The following RABGAP1L variants were observed in gnomAD, a reference collection of about 807,000 sequenced individuals.
RABGAP1L encodes rab GTPase-activating protein 1-like.
RABGAP1L carries 63 observed loss-of-function variants against 137.7 expected under a neutral mutation model. The observed-to-expected ratio is 0.46, with a 90% CI of 0.37 to 0.56. The LOEUF (loss-of-function observed/expected upper bound fraction) is 0.56. Among genes scored for constraint, RABGAP1L ranks in the 20% least tolerant of loss-of-function variants. RABGAP1L has a pLI of 0.00. For synonymous variants in RABGAP1L, 431 were observed against 433.7 expected, an observed-to-expected ratio of 0.99 and a Z score of 0.08; for missense variants, 1,095 against 1,244.0, an observed-to-expected ratio of 0.88 and a Z score of 1.80.
At chr1:174,207,276 C>T (rs768455057) in intron 1 of RABGAP1L, among the ~76,000 whole-genome samples, 1 of 152,060 alleles carries the variant, frequency 6.6e-6, no homozygotes, top group Non-Finnish European at 1.5e-5. Flanking sequence ...GTACATGCTG[C>T]GTTGAAATGG....
Position 174,159,664 on chromosome 1 carries a change from C to G in RABGAP1L, c.-34+7C>G, listed in dbSNP as rs919630169. On this transcript the variant is annotated splice_region_variant and intron_variant, in intron 1 of 25. Coordinates refer to ENST00000681986, the MANE Select transcript of RABGAP1L (RefSeq NM_001366446.1). ...CCCGCGGAGACGTGAAGAGGTGAGGCGAGGACGGCCTCCTAGGGACACGAG... is the reference window on the plus strand; with the variant it reads ...CCCGCGGAGACGTGAAGAGGTGAGGGGAGGACGGCCTCCTAGGGACACGAG... 4.6e-5 allele frequency: 7 copies of G among 152,330 alleles called. No homozygotes were observed. Among genetic ancestry groups the G allele is most frequent in the African/African-American group, 1.7e-4 (7 of 41,452 alleles). 9.4% of individuals were successfully genotyped at this position (152,330 alleles called of 1,614,324 possible).
At chr1:174,359,130 A>G (rs981089124) in intron 11 of RABGAP1L, among the ~76,000 whole-genome samples, 2 of 148,438 alleles carry the variant, frequency 1.3e-5, no homozygotes, top group African/African-American at 2.5e-5. Context: ...AAAACCTTCA[A>G]TTACCCCTTT....
chr1:174,170,072 T>C (rs1346074422), intron 1 of RABGAP1L, among the ~76,000 whole-genome samples: 1 of 152,178 alleles, frequency 6.6e-6, no homozygotes, highest in Non-Finnish European at 1.5e-5. Flanking sequence ...TGGAAAAAAA[T>C]ACTTAAAATG....
chr1:174,306,035 A>C (rs975525904), intron 11 of RABGAP1L, among the ~76,000 whole-genome samples: 3 of 152,042 alleles, frequency 2.0e-5, no homozygotes, highest in Admixed American at 6.6e-5. Flanking sequence ...TGCCCTTGCA[A>C]TAGTTTGCTG....
intron 17 of RABGAP1L, among the ~76,000 whole-genome samples, chr1:174,736,255 A>G (rs1682935630): frequency 6.6e-6 from 1 of 152,238 alleles, no homozygotes; most frequent in Admixed American, 6.5e-5. Flanking sequence ...TTCCAAAAGG[A>G]AGAAATTGGC....
chr1:174,752,160 A>G (rs954237255), intron 17 of RABGAP1L, among the ~76,000 whole-genome samples, 153 bp from the exon 18 acceptor site: 1 of 152,182 alleles, frequency 6.6e-6, no homozygotes, highest in Non-Finnish European at 1.5e-5. Flanking sequence ...CAGGGAAAGA[A>G]AATACCTTTA....
intron 17 of RABGAP1L, among the ~76,000 whole-genome samples, chr1:174,703,447 A>G (rs1340391807): frequency 6.6e-6 from 1 of 152,182 alleles, no homozygotes; most frequent in South Asian, 2.1e-4. Flanking sequence ...ATAATGCTAC[A>G]TTGTATGTAC....
At chr1:174,664,222 G>A (rs1381405090) in intron 14 of RABGAP1L, among the ~76,000 whole-genome samples, 2 of 152,090 alleles carry the variant, frequency 1.3e-5, no homozygotes, top group African/African-American at 4.8e-5. Flanking sequence ...CAGTGTTGGG[G>A]CACCTTTATA....
chr1:174,395,215 G>A (rs186239412), intron 13 of RABGAP1L, among the ~76,000 whole-genome samples: 1 of 152,142 alleles, frequency 6.6e-6, no homozygotes, highest in African/African-American at 2.4e-5. Context: ...CACTTTGGAG[G>A]AATAATTGTG....
intron 13 of RABGAP1L, among the ~76,000 whole-genome samples, chr1:174,517,405 TAG>T (rs1214669277): frequency 2.0e-5 from 3 of 152,156 alleles, no homozygotes; most frequent in Non-Finnish European, 4.4e-5. Flanking sequence ...TTAAGAGAGC[TAG>T]AGATTCTCTC....
chr1:174,472,414 G>A (rs979459201), intron 13 of RABGAP1L, among the ~76,000 whole-genome samples: 2 of 152,182 alleles, frequency 1.3e-5, no homozygotes, highest in East Asian at 1.9e-4. Flanking sequence ...GTCCAATTTT[G>A]TTGAGGGTTC....
In RABGAP1L at chr1:174,664,744, T is replaced by C. The variant is rs1388749184; in HGVS notation, c.1825-18778T>C. 2.1e-5 allele frequency among the ~76,000 whole-genome samples: 3 copies of C among 141,796 alleles called. No individual in the cohort carries two copies. The East Asian group carries it at 6.6e-4, about 31-fold the overall frequency. 93.0% of individuals were successfully genotyped at this position (141,796 alleles called of 152,430 possible). A position where few individuals can be genotyped will look rare whatever the true frequency, so the allele number is the denominator to read the frequency against. ...CTTTCTTTCTGCTTTCTTTTTTTTT[T>C]TTTTTTTTTTTGACAGAGTTTTCAC... is the stretch of plus-strand genomic sequence containing the variant. On this transcript the variant is annotated intron_variant, in intron 14 of 25. Transcript: ENST00000681986.
intron 19 of RABGAP1L, among the ~76,000 whole-genome samples, chr1:174,887,080 T>C (rs770053455): frequency 2.6e-5 from 4 of 152,016 alleles, no homozygotes; most frequent in Non-Finnish European, 5.9e-5. Flanking sequence ...GCTGGGATTA[T>C]AGGCGCGAGC....
At chr1:174,424,634 A>T (rs1651742045) in intron 13 of RABGAP1L, among the ~76,000 whole-genome samples, 1 of 152,070 alleles carries the variant, frequency 6.6e-6, no homozygotes, top group South Asian at 2.1e-4. Flanking sequence ...AACCACATGC[A>T]ATGTAGTAAT....
At position 174,428,692 on chromosome 1, in the gene RABGAP1L, G is replaced by GA. The variant is rs540031909; in HGVS notation, c.1710+34556dup. Among the ~76,000 whole-genome samples, 93 of 151,008 alleles carry GA rather than the reference G, an allele frequency of 6.2e-4. 1 individual carries two copies. The highest frequency in any genetic ancestry group is 5.4e-3 in the East Asian group (28 of 5,162). On this transcript the variant is annotated intron_variant, in intron 13 of 25. Transcript: ENST00000681986. The stretch of plus-strand genomic sequence containing the variant: ...AAAATATGCCAAACCATTTCATCGG[G>GA]AAAAAAAAAGTCCTCAAAGACCCTC...
intron 12 of RABGAP1L, among the ~76,000 whole-genome samples, chr1:174,380,494 A>C (rs1686030498): frequency 6.6e-6 from 1 of 151,550 alleles, no homozygotes; most frequent in Admixed American, 6.6e-5. Flanking sequence ...CAGAGATTCA[A>C]CTTCTTCCTG....
chr1:174,550,995 T>TACACAC lies in RABGAP1L; in HGVS notation c.1711-86375_1711-86374insCACACA, dbSNP rs202232006. Among the ~76,000 whole-genome samples, 4 of 64,414 alleles carry TACACAC rather than the reference T, an allele frequency of 6.2e-5. No individual in the cohort carries two copies. In the South Asian group the frequency reaches 1.2e-3, roughly 19 times the overall value. The allele number at this position is 64,414 out of a possible 152,430, so 42.3% of individuals were successfully genotyped here. On this transcript the variant is annotated intron_variant, in intron 13 of 25. Transcript: ENST00000681986. ...ACATGTATATATACATATATATATA[T>TACACAC]ACACATATATATATATATATATATA... is the stretch of plus-strand genomic sequence containing the variant.
intron 13 of RABGAP1L, among the ~76,000 whole-genome samples, chr1:174,525,904 C>CT (rs1373458545): frequency 7.9e-5 from 12 of 152,094 alleles, no homozygotes; most frequent in South Asian, 4.1e-4. Flanking sequence ...TGGTTTTTGT[C>CT]TATCATTCTG....
At chr1:174,915,202 T>C (rs1389311486) in intron 19 of RABGAP1L, among the ~76,000 whole-genome samples, 4 of 152,152 alleles carry the variant, frequency 2.6e-5, no homozygotes, top group African/African-American at 9.7e-5. Context: ...AGGAGTGAAA[T>C]TGCTGAGTAT....
Sources: allele counts gnomAD v4.1 joint callset (sites outside exome capture counted in the v4.1 genomes callset), GRCh38; gene constraint gnomAD v4.1.1; transcripts MANE v1.5; gene names NCBI Gene and HGNC (gene_info 2026-07-23, HGNC 2026-07-21).